MYL10: variants seen among roughly 807,000 people sequenced by gnomAD.
MYL10 encodes myosin regulatory light chain 10.
A neutral mutation model predicts 21.9 loss-of-function variants in MYL10; 18 were observed. The ratio of observed to expected loss-of-function variants is 0.82; its 90% confidence interval spans 0.57 to 1.22. MYL10 has a LOEUF of 1.22. Ranked by LOEUF, MYL10 falls within the 50% of genes most tolerant of loss-of-function variation. The pLI is 0.00. For synonymous variants in MYL10, 88 were observed against 82.8 expected, an observed-to-expected ratio of 1.06 and a Z score of -0.34; for missense variants, 225 against 230.4, an observed-to-expected ratio of 0.98 and a Z score of 0.15.
chr7:101,619,539 C>T (rs1796651616), intron 5 of MYL10, among the ~76,000 whole-genome samples: 1 of 152,194 alleles, frequency 6.6e-6, no homozygotes. Context: ...CCCATCAAAC[C>T]TGTGATGTCA....
chr7:101,615,148 A>G (rs1796593614), intron 6 of MYL10, among the ~76,000 whole-genome samples: 1 of 151,878 alleles, frequency 6.6e-6, no homozygotes, highest in Non-Finnish European at 1.5e-5. Context: ...CTTCCCCTTC[A>G]TGCATTCCAA....
chr7:101,627,191 C>T (rs1267867563), intron 1 of MYL10, among the ~76,000 whole-genome samples: 8 of 151,500 alleles, frequency 5.3e-5, no homozygotes, highest in East Asian at 1.9e-4. Flanking sequence ...CCCAGTTACT[C>T]GGGAGGCTGA....
At chr7:101,614,194 GC>G (rs1796582691) in intron 6 of MYL10, among the ~76,000 whole-genome samples, 1 of 152,172 alleles carries the variant, frequency 6.6e-6, no homozygotes. Context: ...GCCTGCAAGG[GC>G]CTGCCCCCTC....
At chr7:101,622,619 G>A (rs1354245126) in intron 4 of MYL10, among the ~76,000 whole-genome samples, 2 of 152,202 alleles carry the variant, frequency 1.3e-5, no homozygotes, top group South Asian at 2.1e-4. Flanking sequence ...CTGCATAGGC[G>A]ACTTCAGGCT....
intron 3 of MYL10, 73 bp from the exon 4 acceptor site, chr7:101,623,145 C>T: frequency 1.4e-6 from 2 of 1,387,352 alleles, no homozygotes; most frequent in Non-Finnish European, 2.0e-6. Context: ...GACCGTCCTC[C>T]TGCCGACTGC....
chr7:101,621,750 G>C lies in MYL10; in HGVS notation c.454+346C>G, dbSNP rs139005185. Among the ~76,000 whole-genome samples the C allele has an allele frequency of 1.9e-4, 29 of 152,178 alleles. 1 individual carries two copies. Among genetic ancestry groups the C allele is most frequent in the African/African-American group, 7.0e-4 (29 of 41,514 alleles). On this transcript the variant is annotated intron_variant, in intron 5 of 7. Transcript: ENST00000223167. ...ACTACAGGCATGTGTCACCATGTCTGGCTAATTTTTGTATTAGTAGAGATG... is the reference window on the plus strand; with the variant it reads ...ACTACAGGCATGTGTCACCATGTCTCGCTAATTTTTGTATTAGTAGAGATG...
intron 1 of MYL10, among the ~76,000 whole-genome samples, chr7:101,624,742 G>A (rs1796724951): frequency 2.0e-5 from 3 of 152,010 alleles, no homozygotes; most frequent in African/African-American, 7.2e-5. Context: ...CTCTCACCCA[G>A]GCCCTCTACT....
rs764399042 is a variant in MYL10 at position 101,622,126 on chromosome 7, A to G, written c.424T>C (p.Phe142Leu). The change falls in exon 5 of 8, where the codon TTC becomes CTC. Residue 142 changes from phenylalanine to leucine, a missense_variant. Physicochemically the swap from Phe to Leu is conservative, Grantham distance 22. Transcript: ENST00000223167. ...EAPGPINFTV[F>L]LTMFGEKLKG... ...AGCTTCTCCCCAAACATGGTCAGGA[A>G]CACCGTGAAGTTGATGGGTCCGGGG... The G allele has an allele frequency of 2.1e-5, 34 of 1,613,648 alleles. No individual in the cohort carries two copies. The highest frequency in any genetic ancestry group is 6.7e-5 in the Admixed American group (4 of 59,974).
chr7:101,624,150 C>T (rs201621714), intron 2 of MYL10, 22 bp downstream of exon 2: 2 of 1,483,666 alleles, frequency 1.3e-6, no homozygotes, highest in Middle Eastern at 1.7e-4. Flanking sequence ...CTCATAACAG[C>T]CCCATGGGGC....
intron 6 of MYL10, 80 bp downstream of exon 6, chr7:101,616,140 C>A: frequency 1.6e-6 from 2 of 1,212,202 alleles, no homozygotes; most frequent in Admixed American, 1.9e-5. Flanking sequence ...GGAGAGGAGA[C>A]TGGGCGACCA....
intron 5 of MYL10, among the ~76,000 whole-genome samples, chr7:101,619,866 G>A (rs1796655529): frequency 1.5e-5 from 2 of 135,200 alleles, no homozygotes; most frequent in South Asian, 4.7e-4. Flanking sequence ...CTCCAGCCTG[G>A]GTGACAGAGC....
chr7:101,629,002 T>C (rs1430037809), intron 1 of MYL10, 39 bp downstream of exon 1: 1 of 452,060 alleles, frequency 2.2e-6, no homozygotes, highest in Admixed American at 2.4e-5. Context: ...CCAAGGCAGA[T>C]AAGAAGTGGG....
At chr7:101,628,068 T>C (rs1258912192) in intron 1 of MYL10, among the ~76,000 whole-genome samples, 1 of 152,266 alleles carries the variant, frequency 6.6e-6, no homozygotes, top group Non-Finnish European at 1.5e-5. Flanking sequence ...CCAATATGCC[T>C]ATTATCAGGG....
intron 1 of MYL10, among the ~76,000 whole-genome samples, chr7:101,628,450 T>A (rs1191075237): frequency 6.6e-6 from 1 of 152,096 alleles, no homozygotes; most frequent in African/African-American, 2.4e-5. Flanking sequence ...AGTGAGATAT[T>A]GTCTCTTAAA....
chr7:101,622,269 C>T (rs1036880545), intron 4 of MYL10, 69 bp from the exon 5 acceptor site: 106 of 1,215,982 alleles, frequency 8.7e-5, no homozygotes, highest in Non-Finnish European at 3.9e-5. Context: ...GAGGATCCCA[C>T]AAAGCCTCCC....
At chr7:101,620,999 G>A (rs1796671190) in intron 5 of MYL10, among the ~76,000 whole-genome samples, 2 of 151,990 alleles carry the variant, frequency 1.3e-5, no homozygotes. Flanking sequence ...ATGTTAGTCA[G>A]GGTGGTCTTG....
chr7:101,621,219 G>C (rs555286750), intron 5 of MYL10, among the ~76,000 whole-genome samples: 11 of 152,100 alleles, frequency 7.2e-5, no homozygotes, highest in African/African-American at 2.4e-5. Context: ...GCTGTGTCTC[G>C]GGCGGGTACA....
rs1445271198 is a variant in MYL10 at position 101,613,669 on chromosome 7, T to A, written c.575A>T (p.Glu192Val). ...ACCAGAATCCCAGTTTACCTCCTCC[T>A]CACTGAAGCGGTCTGCCTGGGTCAT... ...KLMTQADRFS[E>V]EEVKQMFAAF... Residue 192 changes from glutamate (E) to valine (V), a missense_variant, in exon 7 of 8, where the codon GAG (glutamate) becomes GTG (valine). Transcript: ENST00000223167. The A allele has an allele frequency of 6.2e-7, 1 of 1,614,128 alleles. No individual in the cohort carries two copies. The highest frequency in any genetic ancestry group is 1.7e-5 in the Admixed American group (1 of 60,016).
rs528924201 is a variant in MYL10, at chr7:101,625,814, G to A, written c.79-1550C>T. 2.6e-5 allele frequency among the ~76,000 whole-genome samples: 4 copies of A among 152,172 alleles called. No individual in the cohort carries two copies. The East Asian group carries it at 5.8e-4, about 22-fold the overall frequency. ...ACATAATTACATATACATTTCCTCC[G>A]ATTAATAAAAAATGATCACTTCCGT... On this transcript the variant is annotated intron_variant, in intron 1 of 7. Coordinates refer to ENST00000223167, the MANE Select transcript of MYL10 (RefSeq NM_138403.5).
Sources: gnomAD v4.1 joint callset for allele counts (sites outside exome capture counted in the v4.1 genomes callset) on GRCh38, gnomAD v4.1.1 for gene constraint, MANE v1.5 for transcripts, NCBI Gene and HGNC (gene_info 2026-07-23, HGNC 2026-07-21) for gene names.